LARP6: variants seen among roughly 807,000 people sequenced by gnomAD.
LARP6 encodes la-related protein 6.
Under a neutral mutation model 32.8 loss-of-function variants are expected in LARP6, and 18 were observed. The ratio of observed to expected loss-of-function variants is 0.55; its 90% CI spans 0.38 to 0.81. The LOEUF (loss-of-function observed/expected upper bound fraction) is 0.81. Ranked by LOEUF, LARP6 falls within the 40% of genes least tolerant of loss-of-function variation. The pLI, the probability that LARP6 is intolerant of heterozygous loss-of-function variation, is 0.00. For missense variants in LARP6, 598 were observed against 663.1 expected, an observed-to-expected ratio of 0.90 and a Z score of 1.08; for synonymous variants, 289 against 267.2, an observed-to-expected ratio of 1.08 and a Z score of -0.80.
At position 70,836,492 on chromosome 15, in the gene LARP6, T is replaced by TTGCAGTGG; in HGVS notation, c.206_213dup (p.Ser72ProfsTer24). The TTGCAGTGG allele has an allele frequency of 6.2e-7, 1 of 1,614,106 alleles. No individual in the cohort carries two copies. The highest frequency in any genetic ancestry group is 8.5e-7 in the Non-Finnish European group (1 of 1,179,982). On this transcript the variant is annotated frameshift_variant, in exon 2 of 3. Coordinates refer to ENST00000299213, the MANE Select transcript of LARP6 (RefSeq NM_018357.4). LOFTEE classifies it high-confidence loss of function. ...TCCTCACGCTCGTTCTCACCTCCAC[T>TTGCAGTGG]TGCAGTGGTGCCACTGAGACCAGAA... is the stretch of plus-strand genomic sequence containing the variant.
chr15:70,853,722 A>T (rs1403175559), intron 1 of LARP6, among the ~76,000 whole-genome samples, 167 bp downstream of exon 1: 1 of 152,104 alleles, frequency 6.6e-6, no homozygotes, highest in African/African-American at 2.4e-5. Flanking sequence ...GGCTGCCTCC[A>T]CGGGCCGGTT....
intron 2 of LARP6, 49 bp from the exon 3 acceptor site, chr15:70,833,165 T>C (rs1388108352): frequency 1.8e-5 from 27 of 1,485,784 alleles, no homozygotes; most frequent in Non-Finnish European, 2.5e-5. Flanking sequence ...TCCTTGTCCA[T>C]CCTTGTGTAT....
intron 2 of LARP6, among the ~76,000 whole-genome samples, chr15:70,836,055 G>A (rs1463596781): frequency 2.6e-5 from 4 of 152,164 alleles, no homozygotes; most frequent in Admixed American, 2.6e-4. Context: ...AAGTAACATT[G>A]TTTCATAACT....
chr15:70,837,759 G>A (rs1024777138), intron 1 of LARP6, among the ~76,000 whole-genome samples: 3 of 152,200 alleles, frequency 2.0e-5, no homozygotes, highest in African/African-American at 7.2e-5. Flanking sequence ...TGGAATTACA[G>A]ATGGGAGTGT....
intron 1 of LARP6, among the ~76,000 whole-genome samples, chr15:70,842,608 C>T (rs1457934292): frequency 1.3e-5 from 2 of 152,166 alleles, no homozygotes; most frequent in Admixed American, 6.5e-5. Flanking sequence ...TTCTGCAGAA[C>T]CTGACCTCAG....
chr15:70,837,899 T>A (rs945811250), intron 1 of LARP6, among the ~76,000 whole-genome samples: 2 of 152,222 alleles, frequency 1.3e-5, no homozygotes, highest in African/African-American at 4.8e-5. Flanking sequence ...AGATTTCCAA[T>A]TTTTCCAGAT....
chr15:70,842,200 C>T (rs1386691650), intron 1 of LARP6, among the ~76,000 whole-genome samples: 1 of 152,062 alleles, frequency 6.6e-6, no homozygotes, highest in Non-Finnish European at 1.5e-5. Flanking sequence ...AATGTGCCAT[C>T]ATGCCTGGCT....
chr15:70,832,664 A>G lies in LARP6; in HGVS notation c.864T>C (p.Ala288=). Residue 288 remains alanine, a synonymous_variant, in exon 3 of 3, where the codon GCT becomes GCC. Coordinates refer to ENST00000299213, the MANE Select transcript of LARP6 (RefSeq NM_018357.4). ...TGGGTGGCTTCATACCAATCAGGAC[A>G]GCTTTCATGTTCTCTTTGCCCTGAG... is the stretch of plus-strand genomic sequence containing the variant. ...TESQGKENMK[A]VLIGMKPPKK... The G allele has an allele frequency of 6.2e-6, 10 of 1,608,720 alleles. No homozygotes were observed. The highest frequency in any genetic ancestry group is 7.6e-6 in the Non-Finnish European group (9 of 1,178,632).
At chr15:70,851,720 C>G in intron 1 of LARP6, 1 of 1,614,080 alleles carries the variant, frequency 6.2e-7, no homozygotes, top group Non-Finnish European at 8.5e-7. Flanking sequence ...AGCTCCTATT[C>G]CTGTGAGGGA....
At chr15:70,841,218 G>C (rs1341940088) in intron 1 of LARP6, among the ~76,000 whole-genome samples, 1 of 152,130 alleles carries the variant, frequency 6.6e-6, no homozygotes, top group Non-Finnish European at 1.5e-5. Flanking sequence ...CGGCCGGGCA[G>C]TATAATTTCT....
chr15:70,834,189 T>G (rs955524655), intron 2 of LARP6, among the ~76,000 whole-genome samples: 1 of 152,154 alleles, frequency 6.6e-6, no homozygotes, highest in African/African-American at 2.4e-5. Context: ...AAGGAAAGGC[T>G]CACTCACTGG....
intron 1 of LARP6, among the ~76,000 whole-genome samples, chr15:70,848,662 G>A (rs1160194088): frequency 6.6e-6 from 1 of 152,062 alleles, no homozygotes; most frequent in Admixed American, 6.6e-5. Context: ...AACCTGGGAG[G>A]CGGAGGTTGC....
chr15:70,832,691 T>G lies in LARP6; in HGVS notation c.837A>C (p.Glu279Asp), dbSNP rs1205090881. Residue 279 changes from glutamate (E) to aspartate (D), a missense_variant, in exon 3 of 3, where the codon GAA becomes GAC. This residue lies in a region of LARP6 where 368 missense variants were observed against 397.9 expected (regional missense o/e 0.92). Transcript: ENST00000299213. ...AIKAHEFMIT[E>D]SQGKENMKAV... Reference sequence around the variant, plus strand: ...CTTTCATGTTCTCTTTGCCCTGAGATTCTGTGATCATGAACTCATGGGCTT... The same window carrying G: ...CTTTCATGTTCTCTTTGCCCTGAGAGTCTGTGATCATGAACTCATGGGCTT... The G allele has an allele frequency of 8.7e-6, 14 of 1,606,530 alleles. No homozygotes were observed. Among genetic ancestry groups the G allele is most frequent in the Non-Finnish European group, 1.0e-5 (12 of 1,177,578 alleles).
chr15:70,832,024 T>C lies in LARP6; in HGVS notation c.*28A>G, dbSNP rs752801599. On this transcript the variant is annotated 3_prime_UTR_variant, in exon 3 of 3. Transcript: ENST00000299213. ...CCTTGAAAACGAAGGTGGTTTTCAG[T>C]GGAGCTTGTATTAAAAATAGAAGGT... is the stretch of plus-strand genomic sequence containing the variant. The C allele has an allele frequency of 2.3e-5, 33 of 1,429,276 alleles. No individual in the cohort carries two copies. The highest frequency in any genetic ancestry group is 2.9e-5 in the African/African-American group (2 of 69,508). The allele number at this position is 1,429,276 out of a possible 1,614,324, so 88.5% of individuals were successfully genotyped here. A position where few individuals can be genotyped will look rare whatever the true frequency, so the allele number is the denominator to read the frequency against.
At chr15:70,850,921 G>GA (rs977375857) in intron 1 of LARP6, among the ~76,000 whole-genome samples, 7 of 151,698 alleles carry the variant, frequency 4.6e-5, no homozygotes, top group Non-Finnish European at 7.4e-5. Context: ...AAGCATTAGG[G>GA]AAAAAAAATG....
At chr15:70,836,205 A>G in intron 2 of LARP6, 90 bp downstream of exon 2, 1 of 1,026,508 alleles carries the variant, frequency 9.7e-7, no homozygotes, top group Admixed American at 2.1e-5. Flanking sequence ...GTTCGTCATC[A>G]GGTTTCAAGG....
rs2032061538 is a variant in LARP6, at chr15:70,832,378, T to C, written c.1150A>G (p.Ser384Gly). ...NASPCTSPWSSPLAQRKGVSR... is the reference protein window; with the variant it reads ...NASPCTSPWSGPLAQRKGVSR... ...ACGCCTTTGCGTTGGGCCAAGGGGC[T>C]GCTCCAAGGACTTGTGCACGGGGAG... is the stretch of plus-strand genomic sequence containing the variant. The change falls in exon 3 of 3, where the codon AGC becomes GGC. Residue 384 changes from serine (S) to glycine (G), a missense_variant. Coordinates refer to ENST00000299213, the MANE Select transcript of LARP6 (RefSeq NM_018357.4). The C allele has an allele frequency of 6.2e-7, 1 of 1,612,870 alleles. No individual in the cohort carries two copies. The highest frequency in any genetic ancestry group is 8.5e-7 in the Non-Finnish European group (1 of 1,179,488).
At chr15:70,851,473 C>T (rs2032448247) in intron 1 of LARP6, 43 of 1,344,282 alleles carry the variant, frequency 3.2e-5, no homozygotes, top group Non-Finnish European at 3.9e-5. Flanking sequence ...TTATTCTGTT[C>T]CCTTATATAA....
rs1417396827 is a variant in LARP6, at chr15:70,841,205, G to A, written c.201-4700C>T. Among the ~76,000 whole-genome samples the A allele has an allele frequency of 5.3e-5, 8 of 152,174 alleles. 1 individual carries two copies. Among genetic ancestry groups the A allele is most frequent in the Admixed American group, 2.0e-4 (3 of 15,280 alleles). The stretch of plus-strand genomic sequence containing the variant: ...TGGGATTACAGGCGTGAGCCACCGC[G>A]CCCGGCCGGGCAGTATAATTTCTCA... On this transcript the variant is annotated intron_variant, in intron 1 of 2. Coordinates refer to ENST00000299213, the MANE Select transcript of LARP6 (RefSeq NM_018357.4).
Sources: allele counts gnomAD v4.1 joint callset (sites outside exome capture counted in the v4.1 genomes callset), GRCh38; gene constraint gnomAD v4.1.1; regional missense constraint gnomAD v4.1.1; transcripts MANE v1.5; gene names NCBI Gene and HGNC (gene_info 2026-07-23, HGNC 2026-07-21).